CTDSPL: variants seen among roughly 807,000 people sequenced by gnomAD.
The protein encoded by CTDSPL is CTD small phosphatase like, also known as CTD small phosphatase-like protein.
In CTDSPL, 8 loss-of-function variants were observed where a neutral mutation model predicts 30.5. The ratio of observed to expected loss-of-function variants is 0.26; its 90% CI spans 0.15 to 0.47. The LOEUF is 0.47. Among genes scored for constraint, CTDSPL ranks in the 20% least tolerant of loss-of-function variants. The pLI, the probability that CTDSPL is intolerant of heterozygous loss-of-function variation, is 0.99. For synonymous variants in CTDSPL, 110 were observed against 137.9 expected (o/e 0.80, Z 1.42); for missense variants, 248 against 366.1 (o/e 0.68, Z 2.63).
intron 1 of CTDSPL, among the ~76,000 whole-genome samples, chr3:37,877,322 C>G (rs1698147092): frequency 6.6e-6 from 1 of 152,288 alleles, no homozygotes; most frequent in South Asian, 2.1e-4. Context: ...AATTTGTCTA[C>G]TCCAGCTGCC....
intron 1 of CTDSPL, among the ~76,000 whole-genome samples, chr3:37,935,752 G>T (rs886454120): frequency 1.3e-5 from 2 of 152,152 alleles, no homozygotes; most frequent in African/African-American, 2.4e-5. Flanking sequence ...GTGGCATTTG[G>T]AGTGAAGGCA....
At position 37,984,269 on chromosome 3, in the gene CTDSPL, C is replaced by T. The variant is rs1167824655; in HGVS notation, c.*3402C>T. 2.2e-6 allele frequency: 1 copy of T among 456,958 alleles called. No homozygotes were observed. The highest frequency in any genetic ancestry group is 6.9e-5 in the East Asian group (1 of 14,402). 28.3% of individuals were successfully genotyped at this position (456,958 alleles called of 1,614,324 possible). A position where few individuals can be genotyped will look rare whatever the true frequency, so the allele number is the denominator to read the frequency against. ...CCAGGAGCTTCTCTGCAGACTGACA[C>T]ACCCTCCCCCACCCCGGGTAGTGGA... is the stretch of plus-strand genomic sequence containing the variant. On this transcript the variant is annotated 3_prime_UTR_variant, in exon 8 of 8. Transcript: ENST00000273179.
chr3:37,937,680 G>A (rs1698931766), intron 1 of CTDSPL, among the ~76,000 whole-genome samples: 1 of 150,498 alleles, frequency 6.6e-6, no homozygotes, highest in Admixed American at 6.7e-5. Context: ...ATGAAGACAA[G>A]CCAGGGTAGA....
intron 7 of CTDSPL, among the ~76,000 whole-genome samples, chr3:37,978,795 G>T (rs1018693871): frequency 7.2e-5 from 11 of 152,180 alleles, no homozygotes; most frequent in African/African-American, 2.7e-4. Context: ...ATTAGTGGAA[G>T]TGGTATTTAG....
intron 1 of CTDSPL, among the ~76,000 whole-genome samples, chr3:37,892,401 G>A (rs1698338237): frequency 6.6e-6 from 1 of 152,144 alleles, no homozygotes; most frequent in African/African-American, 2.4e-5. Context: ...CAGGTACTGT[G>A]TGTAAACAAA....
chr3:37,971,944 G>A (rs1243097702), intron 6 of CTDSPL, among the ~76,000 whole-genome samples: 3 of 152,252 alleles, frequency 2.0e-5, no homozygotes, highest in African/African-American at 4.8e-5. Flanking sequence ...CTGAATGAGA[G>A]TTCCAACTGC....
intron 2 of CTDSPL, among the ~76,000 whole-genome samples, chr3:37,949,159 C>T (rs138410264): frequency 2.0e-5 from 3 of 152,294 alleles, no homozygotes; most frequent in African/African-American, 4.8e-5. Context: ...TTTTTAAACA[C>T]AATATTTGGT....
rs1275720434 is a variant in CTDSPL, at chr3:37,982,069, C to T, written c.*1202C>T. On this transcript the variant is annotated 3_prime_UTR_variant, in exon 8 of 8. Transcript: ENST00000273179. ...GGGTACAAAGGCAAAAGGACCACAG[C>T]ACCACTTAGGTGTAGCATGGATTTT... 3 of 354,510 alleles carry T rather than the reference C, an allele frequency of 8.5e-6. No individual in the cohort carries two copies. Among genetic ancestry groups the T allele is most frequent in the South Asian group, 2.1e-5 (1 of 47,408 alleles). The allele number at this position is 354,510 out of a possible 1,614,324, so 22.0% of individuals were successfully genotyped here. A position where few individuals can be genotyped will look rare whatever the true frequency, so the allele number is the denominator to read the frequency against.
intron 1 of CTDSPL, among the ~76,000 whole-genome samples, chr3:37,922,265 G>A (rs551068920): frequency 1.3e-5 from 2 of 152,120 alleles, no homozygotes; most frequent in South Asian, 4.2e-4. Context: ...CCCACACAGA[G>A]GAGCCTGAGG....
chr3:37,887,815 C>A (rs76857891), intron 1 of CTDSPL, among the ~76,000 whole-genome samples: 3,711 of 152,210 alleles, frequency 0.024, 118 homozygotes, highest in South Asian at 0.078. Flanking sequence ...AGCATAGATC[C>A]GAAGAATGAC....
chr3:37,923,793 GTT>G (rs74963285), intron 1 of CTDSPL, among the ~76,000 whole-genome samples: 1 of 141,256 alleles, frequency 7.1e-6, no homozygotes. Context: ...GCTTTTCTCT[GTT>G]TTTTTTTTTT....
intron 1 of CTDSPL, among the ~76,000 whole-genome samples, chr3:37,876,324 G>C (rs1698133792): frequency 6.6e-6 from 1 of 151,958 alleles, no homozygotes; most frequent in Admixed American, 6.6e-5. Context: ...AGTTTCAAGA[G>C]TTTTGGCAAA....
At chr3:37,875,716 A>G (rs1348009439) in intron 1 of CTDSPL, among the ~76,000 whole-genome samples, 1 of 152,212 alleles carries the variant, frequency 6.6e-6, no homozygotes, top group Non-Finnish European at 1.5e-5. Flanking sequence ...AATTCCAAAG[A>G]CTTCAGTTAG....
At chr3:37,866,837 A>C (rs930322263) in intron 1 of CTDSPL, among the ~76,000 whole-genome samples, 9 of 152,232 alleles carry the variant, frequency 5.9e-5, no homozygotes, top group Non-Finnish European at 1.3e-4. Context: ...TGGAAGCAAT[A>C]ATTATTTCAG....
At chr3:37,866,139 C>A (rs1329161515) in intron 1 of CTDSPL, among the ~76,000 whole-genome samples, 1 of 152,142 alleles carries the variant, frequency 6.6e-6, no homozygotes, top group African/African-American at 2.4e-5. Flanking sequence ...AGTATTAGAA[C>A]CATCCTAAGT....
intron 6 of CTDSPL, among the ~76,000 whole-genome samples, chr3:37,972,065 A>G (rs1328077241): frequency 6.6e-6 from 1 of 152,222 alleles, no homozygotes; most frequent in Non-Finnish European, 1.5e-5. Flanking sequence ...GAAATAACAT[A>G]TGTAAAGGAC....
At chr3:37,905,419 G>C (rs978064424) in intron 1 of CTDSPL, among the ~76,000 whole-genome samples, 6 of 152,212 alleles carry the variant, frequency 3.9e-5, no homozygotes, top group Non-Finnish European at 4.4e-5. Context: ...CTCCAGTCAA[G>C]TTTTAAAAGA....
At chr3:37,968,258 C>T (rs1573291) in intron 5 of CTDSPL, 82,641 of 458,172 alleles carry the variant, frequency 0.18, 8,751 homozygotes, top group African/African-American at 0.33. Flanking sequence ...TTATGGTGGA[C>T]TCTCGGGAAA....
intron 1 of CTDSPL, among the ~76,000 whole-genome samples, chr3:37,901,479 GTGAGT>G (rs1418663595): frequency 6.6e-6 from 1 of 152,168 alleles, no homozygotes; most frequent in Non-Finnish European, 1.5e-5. Context: ...ACACCTCTTT[GTGAGT>G]TCCCAAATTT....
Sources: gnomAD v4.1 joint callset for allele counts (sites outside exome capture counted in the v4.1 genomes callset) on GRCh38, gnomAD v4.1.1 for gene constraint, MANE v1.5 for transcripts, NCBI Gene and HGNC (gene_info 2026-07-23, HGNC 2026-07-21) for gene names.